Variants in BFSP2 observed in about 807,000 individuals in gnomAD.
BFSP2 encodes beaded filament structural protein 2, also known as phakinin.
In BFSP2, 38 loss-of-function variants were observed where a neutral mutation model predicts 44.9. The observed-to-expected ratio is 0.85, with a 90% CI of 0.65 to 1.11. BFSP2 has a LOEUF of 1.11. BFSP2 is among the 50% of genes least tolerant of loss of function. The probability of loss-of-function intolerance (pLI) is 0.00; values close to 1 mark genes in which losing one functional copy is unlikely to be tolerated. For missense variants in BFSP2, 525 were observed against 533.0 expected (o/e 0.99, Z 0.15); for synonymous variants, 197 against 209.9 (o/e 0.94, Z 0.53).
chr3:133,451,609 T>G (rs979173266), intron 4 of BFSP2, among the ~76,000 whole-genome samples: 1 of 152,226 alleles, frequency 6.6e-6, no homozygotes, highest in African/African-American at 2.4e-5. Flanking sequence ...GGGTAAAGCA[T>G]TCAAACAAAG....
At chr3:133,463,609 A>T (rs1306976319) in intron 4 of BFSP2, among the ~76,000 whole-genome samples, 6 of 152,168 alleles carry the variant, frequency 3.9e-5, no homozygotes, top group African/African-American at 1.4e-4. Context: ...TGCCCCTAGG[A>T]GGTCATATAC....
At chr3:133,420,185 A>G (rs1048791503) in intron 1 of BFSP2, among the ~76,000 whole-genome samples, 2 of 152,220 alleles carry the variant, frequency 1.3e-5, no homozygotes, top group Non-Finnish European at 2.9e-5. Flanking sequence ...AGAACCCGGG[A>G]CATCTCAGGA....
intron 1 of BFSP2, among the ~76,000 whole-genome samples, chr3:133,432,981 C>T (rs2073740645): frequency 6.6e-6 from 1 of 152,172 alleles, no homozygotes; most frequent in Non-Finnish European, 1.5e-5. Context: ...AAATCACAAA[C>T]TATGCTCAAC....
At chr3:133,439,318 G>C (rs1026921864) in intron 1 of BFSP2, among the ~76,000 whole-genome samples, 3 of 152,200 alleles carry the variant, frequency 2.0e-5, no homozygotes, top group African/African-American at 7.2e-5. Flanking sequence ...GTTGTTTAGT[G>C]TTATATTTCT....
At chr3:133,464,074 C>T (rs1464694081) in intron 4 of BFSP2, among the ~76,000 whole-genome samples, 1 of 152,196 alleles carries the variant, frequency 6.6e-6, no homozygotes, top group Non-Finnish European at 1.5e-5. Context: ...ATTTGCCTTC[C>T]AGGATGCCCC....
In BFSP2 at chr3:133,429,094, G is replaced by A. The variant is rs111523117; in HGVS notation, c.490-18223G>A. On this transcript the variant is annotated intron_variant, in intron 1 of 6. Coordinates refer to ENST00000302334, the MANE Select transcript of BFSP2 (RefSeq NM_003571.4). ...TGAAACTCCCCTTGTACTCTGTCCT[G>A]ATTGAATTCCACCCCCACCCCCCCA... Among the ~76,000 whole-genome samples, 133 of 152,050 alleles carry A rather than the reference G, an allele frequency of 8.7e-4. 1 individual carries two copies. The highest frequency in any genetic ancestry group is 3.1e-3 in the African/African-American group (127 of 41,442).
chr3:133,459,304 G>A (rs11715830), intron 4 of BFSP2, among the ~76,000 whole-genome samples: 80,184 of 151,920 alleles, frequency 0.53, 24,071 homozygotes, highest in Non-Finnish European at 0.67. Context: ...TGATCTTATC[G>A]CTGCACTCCA....
rs2074202213 is a variant in BFSP2 at position 133,475,151 on chromosome 3, G to A, written c.*179G>A. 8.4e-6 allele frequency: 7 copies of A among 837,208 alleles called. No homozygotes were observed. Among genetic ancestry groups the A allele is most frequent in the African/African-American group, 6.8e-5 (4 of 58,758 alleles). 51.9% of individuals were successfully genotyped at this position (837,208 alleles called of 1,614,324 possible). Reference sequence around the variant, plus strand: ...CCTTCTGCTTTAATCTGAGTAGTCTGTAGCTTGAGCAATCTCCCTTGTCCT... The same window carrying A: ...CCTTCTGCTTTAATCTGAGTAGTCTATAGCTTGAGCAATCTCCCTTGTCCT... On this transcript the variant is annotated 3_prime_UTR_variant, in exon 7 of 7. Coordinates refer to ENST00000302334, the MANE Select transcript of BFSP2 (RefSeq NM_003571.4).
intron 1 of BFSP2, among the ~76,000 whole-genome samples, chr3:133,420,934 G>A (rs1389801567): frequency 6.6e-6 from 1 of 152,182 alleles, no homozygotes; most frequent in African/African-American, 2.4e-5. Context: ...AGCAAGTCCA[G>A]CTGACTCCTT....
chr3:133,423,263 A>G (rs1273328032), intron 1 of BFSP2, among the ~76,000 whole-genome samples: 1 of 152,168 alleles, frequency 6.6e-6, no homozygotes, highest in East Asian at 1.9e-4. Context: ...ACTGAGTTCA[A>G]ACTCTGGTTT....
rs561099590 is a variant in BFSP2 at position 133,459,093 on chromosome 3, G to T, written c.892-7735G>T. Among the ~76,000 whole-genome samples, 3 of 152,202 alleles carry T rather than the reference G, an allele frequency of 2.0e-5. No individual in the cohort carries two copies. The South Asian group carries it at 6.2e-4, about 32-fold the overall frequency. On this transcript the variant is annotated intron_variant, in intron 4 of 6. Transcript: ENST00000302334. Reference sequence around the variant, plus strand: ...AGTGGCTTATGCCTGTAATCCTGGTGCTTTGGAATGCGGAGGCAGGAGGAT... The same window carrying T: ...AGTGGCTTATGCCTGTAATCCTGGTTCTTTGGAATGCGGAGGCAGGAGGAT...
chr3:133,434,915 G>A (rs1273743650), intron 1 of BFSP2, among the ~76,000 whole-genome samples: 1 of 151,932 alleles, frequency 6.6e-6, no homozygotes, highest in Non-Finnish European at 1.5e-5. Context: ...CTGCACCCAG[G>A]TGAAATAAAC....
chr3:133,431,753 A>AT (rs2073722302), intron 1 of BFSP2, among the ~76,000 whole-genome samples: 1 of 152,078 alleles, frequency 6.6e-6, no homozygotes, highest in Admixed American at 6.5e-5. Flanking sequence ...CCTTGCCTCC[A>AT]TAACTGTTGT....
chr3:133,416,547 A>C (rs2073532023), intron 1 of BFSP2, among the ~76,000 whole-genome samples: 1 of 86,116 alleles, frequency 1.2e-5, no homozygotes, highest in African/African-American at 4.7e-5. Flanking sequence ...TCATCCCTCT[A>C]TACACCCTGC....
chr3:133,444,391 A>G (rs2073877282), intron 1 of BFSP2, among the ~76,000 whole-genome samples: 1 of 152,142 alleles, frequency 6.6e-6, no homozygotes, highest in South Asian at 2.1e-4. Context: ...GAGTATTATT[A>G]TCTTCATTTT....
chr3:133,467,333 A>C (rs2074122093), intron 5 of BFSP2, among the ~76,000 whole-genome samples: 1 of 152,206 alleles, frequency 6.6e-6, no homozygotes. Context: ...AGGGGGCTTT[A>C]AAATTAAAAG....
intron 4 of BFSP2, among the ~76,000 whole-genome samples, chr3:133,466,013 G>A (rs559631432): frequency 4.5e-4 from 68 of 152,218 alleles, no homozygotes; most frequent in African/African-American, 1.4e-3. Context: ...CTGTGCAGCC[G>A]CTATAAAGAA....
Position 133,448,570 on chromosome 3 carries a change from G to T in BFSP2, c.654G>T (p.Leu218Phe). 11 of 1,614,052 alleles carry T rather than the reference G, an allele frequency of 6.8e-6. No individual in the cohort carries two copies. Among genetic ancestry groups the T allele is most frequent in the Non-Finnish European group, 9.3e-6 (11 of 1,180,000 alleles). ...ATAAAGTCATTGATGAGGCTAATTT[G>T]ACTAAAATGGACCTGGAGAGTCAAA... ...SLYKVIDEAN[L>F]TKMDLESQIE... The change falls in exon 3 of 7, where the codon TTG (leucine) becomes TTT (phenylalanine). Residue 218 changes from leucine (L) to phenylalanine (F), a missense_variant. By Grantham distance (22) the Leu-to-Phe change is conservative. Coordinates refer to ENST00000302334, the MANE Select transcript of BFSP2 (RefSeq NM_003571.4).
intron 5 of BFSP2, among the ~76,000 whole-genome samples, chr3:133,470,901 C>T (rs893658687): frequency 6.6e-6 from 1 of 152,132 alleles, no homozygotes. Flanking sequence ...AGAGGAGTTT[C>T]AAGGAAGGCT....
Sources: gnomAD v4.1 joint callset for allele counts (sites outside exome capture counted in the v4.1 genomes callset) on GRCh38, gnomAD v4.1.1 for gene constraint, MANE v1.5 for transcripts, NCBI Gene and HGNC (gene_info 2026-07-23, HGNC 2026-07-21) for gene names.